Variants in NECAB1 observed in about 807,000 individuals in gnomAD.
The protein encoded by NECAB1 is N-terminal EF-hand calcium binding protein 1.
In NECAB1, 29 loss-of-function variants were observed where a neutral mutation model predicts 57.5. The observed-to-expected ratio is 0.50, with a 90% CI of 0.38 to 0.69. The LOEUF (loss-of-function observed/expected upper bound fraction) is 0.69. Among genes scored for constraint, NECAB1 ranks in the 30% least tolerant of loss-of-function variants. NECAB1 has a pLI of 0.00. For synonymous variants in NECAB1, 142 were observed against 147.7 expected (o/e 0.96, Z 0.28); for missense variants, 372 against 413.8 (o/e 0.90, Z 0.88).
At chr8:90,851,717 T>C (rs1257428604) in intron 3 of NECAB1, among the ~76,000 whole-genome samples, 1 of 152,118 alleles carries the variant, frequency 6.6e-6, no homozygotes, top group Non-Finnish European at 1.5e-5. Context: ...TCCTGCCCCA[T>C]TATTAACATC....
At chr8:90,917,861 T>TAC (rs1220200158) in intron 6 of NECAB1, among the ~76,000 whole-genome samples, 5 of 91,966 alleles carry the variant, frequency 5.4e-5, no homozygotes, top group African/African-American at 4.4e-4. Flanking sequence ...TATATATATA[T>TAC]ATATATATAT....
intron 3 of NECAB1, among the ~76,000 whole-genome samples, chr8:90,828,431 C>G (rs1274264002): frequency 6.6e-6 from 1 of 151,948 alleles, no homozygotes. Context: ...TCAAGCCTGC[C>G]CAGGCACAAG....
intron 3 of NECAB1, chr8:90,825,200 C>T (rs1021365996): frequency 2.0e-5 from 3 of 153,048 alleles, no homozygotes; most frequent in African/African-American, 7.2e-5. Flanking sequence ...GCCATTCTTA[C>T]ATTAACACAG....
At chr8:90,869,507 C>T (rs573848702) in intron 3 of NECAB1, among the ~76,000 whole-genome samples, 8 of 152,300 alleles carry the variant, frequency 5.3e-5, no homozygotes, top group African/African-American at 1.7e-4. Context: ...GGGAGGCCAC[C>T]CCTCACATCA....
intron 9 of NECAB1, among the ~76,000 whole-genome samples, chr8:90,936,255 C>G (rs774156821): frequency 6.6e-6 from 1 of 152,058 alleles, no homozygotes; most frequent in Non-Finnish European, 1.5e-5. Context: ...GGTATTTTCC[C>G]TTTTCCATTA....
At chr8:90,917,870 A>ATATATATATGTGTGTGTG (rs1554575432) in intron 6 of NECAB1, among the ~76,000 whole-genome samples, 14 of 64,340 alleles carry the variant, frequency 2.2e-4, no homozygotes, top group African/African-American at 6.3e-4. Flanking sequence ...ATATATATAT[A>ATATATATATGTGTGTGTG]TGTGTGTGTG....
intron 5 of NECAB1, among the ~76,000 whole-genome samples, chr8:90,899,115 C>T (rs754406245): frequency 1.2e-4 from 18 of 152,194 alleles, no homozygotes; most frequent in South Asian, 2.1e-4. Context: ...GCCAGTGGGA[C>T]GCCCGAGGGC....
chr8:90,853,438 C>T lies in NECAB1; in HGVS notation c.234-18690C>T, dbSNP rs150854931. Reference sequence around the variant, plus strand: ...ATATTTTGAGGGTTTTACATGTTTTCCCACTCATCCTAAACTTGGTTACAC... The same window carrying T: ...ATATTTTGAGGGTTTTACATGTTTTTCCACTCATCCTAAACTTGGTTACAC... On this transcript the variant is annotated intron_variant, in intron 3 of 12. Coordinates refer to ENST00000417640, the MANE Select transcript of NECAB1 (RefSeq NM_022351.5). Among the ~76,000 whole-genome samples the T allele has an allele frequency of 3.2e-3, 485 of 151,934 alleles. 2 individuals carry two copies. Among genetic ancestry groups the T allele is most frequent in the Middle Eastern group, 6.8e-3 (2 of 294 alleles).
intron 8 of NECAB1, among the ~76,000 whole-genome samples, chr8:90,932,991 A>C (rs1810446743): frequency 6.6e-6 from 1 of 152,178 alleles, no homozygotes; most frequent in Non-Finnish European, 1.5e-5. Flanking sequence ...CAACATCACC[A>C]ATGATCAGGG....
intron 3 of NECAB1, among the ~76,000 whole-genome samples, chr8:90,843,154 A>G (rs1274987708): frequency 1.3e-5 from 2 of 152,172 alleles, no homozygotes; most frequent in African/African-American, 2.4e-5. Flanking sequence ...TCTTGTGAAG[A>G]AATTATTCAC....
chr8:90,925,101 C>T (rs569133258), intron 6 of NECAB1, among the ~76,000 whole-genome samples: 3 of 152,018 alleles, frequency 2.0e-5, no homozygotes, highest in African/African-American at 7.2e-5. Context: ...AACGAGGGAG[C>T]TCCTGTTTGT....
chr8:90,825,084 G>A (rs1410844058), intron 3 of NECAB1: 1 of 231,976 alleles, frequency 4.3e-6, no homozygotes, highest in East Asian at 8.2e-5. Flanking sequence ...GTAAAACAAA[G>A]TATAAATTAT....
chr8:90,869,234 G>A (rs1808574742), intron 3 of NECAB1, among the ~76,000 whole-genome samples: 1 of 152,340 alleles, frequency 6.6e-6, no homozygotes, highest in African/African-American at 2.4e-5. Context: ...TGCTGCAGGG[G>A]TAGAACCCTC....
At chr8:90,908,238 C>T (rs1825691) in intron 5 of NECAB1, among the ~76,000 whole-genome samples, 80,135 of 151,848 alleles carry the variant, frequency 0.53, 24,679 homozygotes, top group African/African-American at 0.83. Context: ...GTGTATTCCA[C>T]AAGCTTAAAA....
intron 3 of NECAB1, among the ~76,000 whole-genome samples, chr8:90,841,404 G>C (rs1812453122): frequency 6.6e-6 from 1 of 152,142 alleles, no homozygotes; most frequent in Admixed American, 6.5e-5. Flanking sequence ...CACTTCAGTT[G>C]ACAGGAATTA....
rs903515102 is a variant in NECAB1 at position 90,791,831 on chromosome 8, A to G, written c.-56A>G. 7.6e-5 allele frequency: 108 copies of G among 1,426,812 alleles called. 1 individual carries two copies. In the African/African-American group the frequency reaches 1.3e-3, roughly 18 times the overall value. 88.4% of individuals were successfully genotyped at this position (1,426,812 alleles called of 1,614,324 possible). On this transcript the variant is annotated 5_prime_UTR_variant, in exon 1 of 13. Transcript: ENST00000417640. ...CAGCAGCTGCGGCCGCGCCCTTGCCAGAGCCGGTGCGTCCGCCTAGCCCCG... is the reference window on the plus strand; with the variant it reads ...CAGCAGCTGCGGCCGCGCCCTTGCCGGAGCCGGTGCGTCCGCCTAGCCCCG...
chr8:90,954,917 C>A (rs1215961907), intron 12 of NECAB1, among the ~76,000 whole-genome samples: 2 of 144,840 alleles, frequency 1.4e-5, no homozygotes, highest in East Asian at 4.0e-4. Flanking sequence ...TATGTGTATA[C>A]AAATGCATAT....
intron 3 of NECAB1, among the ~76,000 whole-genome samples, chr8:90,867,627 G>A (rs949464337): frequency 1.3e-5 from 2 of 152,196 alleles, no homozygotes; most frequent in South Asian, 4.2e-4. Flanking sequence ...GCTTGCAGTC[G>A]AGATATAGGT....
intron 2 of NECAB1, among the ~76,000 whole-genome samples, chr8:90,816,292 C>T (rs555957418): frequency 9.9e-5 from 15 of 151,892 alleles, no homozygotes; most frequent in Admixed American, 2.0e-4. Flanking sequence ...TATTTTCTCC[C>T]AGACTGTGGC....
Sources: allele counts gnomAD v4.1 joint callset (sites outside exome capture counted in the v4.1 genomes callset), GRCh38; gene constraint gnomAD v4.1.1; transcripts MANE v1.5; gene names NCBI Gene and HGNC (gene_info 2026-07-23, HGNC 2026-07-21).